GRAMD1B: variants seen among roughly 807,000 people sequenced by gnomAD.
GRAMD1B encodes protein Aster-B.
In GRAMD1B, 37 loss-of-function variants were observed where a neutral mutation model predicts 99.7. The observed-to-expected ratio is 0.37, with a 90% confidence interval of 0.29 to 0.49. The LOEUF is 0.49. Among genes scored for constraint, GRAMD1B ranks in the 20% least tolerant of loss-of-function variants. The pLI is 0.98. For synonymous variants in GRAMD1B, 427 were observed against 387.6 expected, an observed-to-expected ratio of 1.10 and a Z score of -1.19; for missense variants, 888 against 1,009.2, an observed-to-expected ratio of 0.88 and a Z score of 1.63.
intron 1 of GRAMD1B, among the ~76,000 whole-genome samples, chr11:123,456,936 A>T (rs1382646416): frequency 6.7e-6 from 1 of 149,108 alleles, no homozygotes; most frequent in East Asian, 2.0e-4. Context: ...AAAAAAAAAA[A>T]AGAAAAAGAA....
intron 3 of GRAMD1B, 104 bp from the exon 4 acceptor site, chr11:123,584,208 C>G (rs1252007273): frequency 1.5e-6 from 1 of 686,226 alleles, no homozygotes; most frequent in African/African-American, 1.8e-5. Context: ...ATTTGGACCC[C>G]TCCTCCCTGC....
At chr11:123,572,604 C>T (rs1398994394) in intron 2 of GRAMD1B, among the ~76,000 whole-genome samples, 2 of 151,804 alleles carry the variant, frequency 1.3e-5, no homozygotes, top group African/African-American at 4.8e-5. Flanking sequence ...GGTAGAGCAC[C>T]GGGTGGGGAC....
intron 2 of GRAMD1B, among the ~76,000 whole-genome samples, chr11:123,511,702 A>ACTT (rs1941043163): frequency 6.6e-6 from 1 of 152,178 alleles, no homozygotes; most frequent in Non-Finnish European, 1.5e-5. Context: ...CAAGGCTCAG[A>ACTT]CTTCTGGAGC....
At chr11:123,378,344 T>C (rs1291607295) in intron 1 of GRAMD1B, among the ~76,000 whole-genome samples, 1 of 152,222 alleles carries the variant, frequency 6.6e-6, no homozygotes, top group Non-Finnish European at 1.5e-5. Context: ...CCTAGCTGAA[T>C]ATTTCATGAC....
chr11:123,486,084 A>T (rs1280692153), intron 2 of GRAMD1B, among the ~76,000 whole-genome samples: 3 of 152,204 alleles, frequency 2.0e-5, no homozygotes, highest in Non-Finnish European at 4.4e-5. Context: ...CCTCCTTTGT[A>T]AAAATTTGAT....
At chr11:123,548,314 A>G (rs1945236371) in intron 2 of GRAMD1B, among the ~76,000 whole-genome samples, 9 of 96,994 alleles carry the variant, frequency 9.3e-5, no homozygotes, top group African/African-American at 4.8e-4. Context: ...ATATATATAT[A>G]TATATATATA....
chr11:123,368,275 A>AAAAAAAAAAAAAAAAAAAGAAAG (rs60644137), intron 1 of GRAMD1B, among the ~76,000 whole-genome samples: 1 of 127,112 alleles, frequency 7.9e-6, no homozygotes, highest in Non-Finnish European at 1.5e-5. Flanking sequence ...AAAAAAAAAA[A>AAAAAAAAAAAAAAAAAAAGAAAG]AAAGAAAGAA....
Position 123,603,415 on chromosome 11 carries a change from C to T in GRAMD1B, c.1051-11C>T. The T allele has an allele frequency of 1.3e-6, 2 of 1,536,984 alleles. No individual in the cohort carries two copies. Among genetic ancestry groups the T allele is most frequent in the Non-Finnish European group, 1.8e-6 (2 of 1,109,788 alleles). ...GGAGCAAGGCTCAGTCGTTCCTTTT[C>T]TCCCCTGAAGCCTCTGTGTCCCAAG... On this transcript the variant is annotated splice_polypyrimidine_tract_variant and intron_variant, in intron 8 of 19. Transcript: ENST00000635736.
chr11:123,484,972 T>C (rs1951807876), intron 2 of GRAMD1B, among the ~76,000 whole-genome samples: 1 of 152,154 alleles, frequency 6.6e-6, no homozygotes, highest in African/African-American at 2.4e-5. Flanking sequence ...CCTGTGCTCC[T>C]CGTTCTGGCC....
intron 1 of GRAMD1B, among the ~76,000 whole-genome samples, chr11:123,366,260 A>G (rs1477147237): frequency 6.6e-6 from 1 of 152,240 alleles, no homozygotes; most frequent in African/African-American, 2.4e-5. Context: ...GCTGAATGAT[A>G]TATTTTGGCT....
At chr11:123,616,726 A>T (rs1214147783) in intron 17 of GRAMD1B, among the ~76,000 whole-genome samples, 1 of 152,100 alleles carries the variant, frequency 6.6e-6, no homozygotes, top group South Asian at 2.1e-4. Context: ...TGACTCAGCC[A>T]CCTCCTTTCT....
chr11:123,611,023 A>C (rs1471361204), intron 14 of GRAMD1B, among the ~76,000 whole-genome samples: 1 of 152,246 alleles, frequency 6.6e-6, no homozygotes, highest in Non-Finnish European at 1.5e-5. Flanking sequence ...GAAAATCATC[A>C]GACTGTTTAC....
intron 2 of GRAMD1B, among the ~76,000 whole-genome samples, chr11:123,481,854 G>A (rs1030860137): frequency 6.6e-6 from 1 of 152,168 alleles, no homozygotes; most frequent in African/African-American, 2.4e-5. Flanking sequence ...GTCTCAGCTG[G>A]CCTACCGCAG....
At position 123,622,692 on chromosome 11, in the gene GRAMD1B, A is replaced by AAT. The variant is rs972805814; in HGVS notation, c.*106_*107dup. ...TAAATATATATATATACAGAATATA[A>AAT]ATATATATATTATATACAGATTTTA... On this transcript the variant is annotated 3_prime_UTR_variant, in exon 20 of 20. Coordinates refer to ENST00000635736, the MANE Select transcript of GRAMD1B (RefSeq NM_001387025.1). The AAT allele has an allele frequency of 3.5e-5, 10 of 286,846 alleles. No homozygotes were observed. The highest frequency in any genetic ancestry group is 2.1e-4 in the African/African-American group (9 of 43,664). The allele number at this position is 286,846 out of a possible 1,614,324, so 17.8% of individuals were successfully genotyped here. A position where few individuals can be genotyped will look rare whatever the true frequency, so the allele number is the denominator to read the frequency against.
intron 2 of GRAMD1B, among the ~76,000 whole-genome samples, chr11:123,556,788 G>C (rs182256396): frequency 3.3e-5 from 5 of 152,230 alleles, no homozygotes; most frequent in Non-Finnish European, 7.3e-5. Flanking sequence ...TGGAAGTCCT[G>C]TTGGCTTTGT....
At position 123,510,355 on chromosome 11, in the gene GRAMD1B, A is replaced by G. The variant is rs906694510; in HGVS notation, c.452+29462A>G. Among the ~76,000 whole-genome samples the G allele has an allele frequency of 4.6e-5, 7 of 151,886 alleles. No homozygotes were observed. The highest frequency in any genetic ancestry group is 8.8e-5 in the Non-Finnish European group (6 of 67,986). ...GTCTTTGTGCCCTCTCCCTCTCAAC[A>G]GGGGGAGCCTGGGAAGACCCACACT... On this transcript the variant is annotated intron_variant, in intron 2 of 19. Coordinates refer to ENST00000635736, the MANE Select transcript of GRAMD1B (RefSeq NM_001387025.1). This position sits in a 1 kb window ranked among gnomAD's most constrained non-coding sequence, Gnocchi z 4.3.
At chr11:123,560,173 ACGTGTGTG>A (rs3062443) in intron 2 of GRAMD1B, 248,585 of 1,007,092 alleles carry the variant, frequency 0.25, 32,275 homozygotes, top group South Asian at 0.45. Context: ...CCGGCAGGCG[ACGTGTGTG>A]CGTGTGTGCG....
At chr11:123,580,542 T>C (rs1324827635) in intron 3 of GRAMD1B, among the ~76,000 whole-genome samples, 1 of 152,196 alleles carries the variant, frequency 6.6e-6, no homozygotes, top group Non-Finnish European at 1.5e-5. Flanking sequence ...GGTGTCTTTC[T>C]TCCCTTCTCT....
intron 3 of GRAMD1B, among the ~76,000 whole-genome samples, chr11:123,577,845 A>G (rs1405766990): frequency 6.6e-6 from 1 of 151,180 alleles, no homozygotes; most frequent in Non-Finnish European, 1.5e-5. Context: ...ACGCTCTGGG[A>G]ATCATTAGGG....
Sources: gnomAD v4.1 joint callset for allele counts (sites outside exome capture counted in the v4.1 genomes callset) on GRCh38, gnomAD v4.1.1 for gene constraint, Gnocchi (gnomAD v3.1) non-coding constraint, MANE v1.5 for transcripts, NCBI Gene and HGNC (gene_info 2026-07-23, HGNC 2026-07-21) for gene names.